Variants in ADM2 observed in about 807,000 individuals in gnomAD.
ADM2 encodes the protein adrenomedullin 2, also known as protein ADM2.
A neutral mutation model predicts 7.1 loss-of-function variants in ADM2; 5 were observed. The ratio of observed to expected loss-of-function variants is 0.71; its 90% CI spans 0.37 to 1.49. The LOEUF (loss-of-function observed/expected upper bound fraction) is 1.49. ADM2 is among the 40% of genes most tolerant of loss of function. The pLI is 0.03. For synonymous variants in ADM2, 123 were observed against 92.8 expected (o/e 1.33, Z -1.87); for missense variants, 236 against 211.2 (o/e 1.12, Z -0.73).
chr22:50,483,339 C>T lies in ADM2; in HGVS notation c.*436C>T, dbSNP rs1207697467. The T allele has an allele frequency of 2.2e-6, 1 of 448,800 alleles. No homozygotes were observed. Among genetic ancestry groups the T allele is most frequent in the Non-Finnish European group, 4.5e-6 (1 of 220,166 alleles). 27.8% of individuals were successfully genotyped at this position (448,800 alleles called of 1,614,324 possible). ...GCCTTGTGCCTGGGCTGTTCCTGCT[C>T]TCATGCACAACCAGCCCTTCCACGT... On this transcript the variant is annotated 3_prime_UTR_variant, in exon 3 of 3. Transcript: ENST00000395737.
Position 50,481,909 on chromosome 22 carries a change from G to C in ADM2, c.62G>C (p.Gly21Ala). 3.9e-6 allele frequency: 6 copies of C among 1,534,210 alleles called. No homozygotes were observed. The South Asian group carries it at 7.2e-5, about 18-fold the overall frequency. Residue 21 changes from glycine (G) to alanine (A), a missense_variant, in exon 2 of 3, where the codon GGC becomes GCC. Coordinates refer to ENST00000395737, the MANE Select transcript of ADM2 (RefSeq NM_001253845.2). ...CISLLCLQLP[G>A]SLSRSLGGDP... ...AGCCTCCTCTGCCTGCAGCTCCCTG[G>C]CTCGCTGTCCCGCAGCCTGGGCGGG...
Position 50,482,652 on chromosome 22 carries a change from C to T in ADM2, c.196C>T (p.Leu66Phe). Residue 66 changes from leucine to phenylalanine, a missense_variant, in exon 3 of 3, where the codon CTC becomes TTC. By Grantham distance (22) the Leu-to-Phe change is conservative (BLOSUM62 0). Coordinates refer to ENST00000395737, the MANE Select transcript of ADM2 (RefSeq NM_001253845.2). ...RPVVWKLHRA[L>F]QAQRGAGLAP... is the part of the protein sequence containing the mutation. ...TGTGGTCTGGAAGCTTCACCGGGCC[C>T]TCCAGGCACAGAGGGGTGCCGGCCT... 2 of 1,567,898 alleles carry T rather than the reference C, an allele frequency of 1.3e-6. No individual in the cohort carries two copies. Among genetic ancestry groups the T allele is most frequent in the Non-Finnish European group, 1.7e-6 (2 of 1,155,062 alleles).
rs2148632990 is a variant in ADM2, at chr22:50,485,765, T to C, written c.*2862T>C. 6.6e-6 allele frequency: 1 copy of C among 152,586 alleles called. No individual in the cohort carries two copies. The highest frequency in any genetic ancestry group is 3.4e-3 in the Middle Eastern group (1 of 296). The allele number at this position is 152,586 out of a possible 1,614,324, so 9.5% of individuals were successfully genotyped here. A position where few individuals can be genotyped will look rare whatever the true frequency, so the allele number is the denominator to read the frequency against. On this transcript the variant is annotated 3_prime_UTR_variant, in exon 3 of 3. Transcript: ENST00000395737. Reference sequence around the variant, plus strand: ...TCAGCTCAGCTGTGCCAGGATCTTGTTGAGTCAGGTCAGCTGCCCACAGCC... The same window carrying C: ...TCAGCTCAGCTGTGCCAGGATCTTGCTGAGTCAGGTCAGCTGCCCACAGCC...
rs996445947 is a variant in ADM2, at chr22:50,483,742, C to A, written c.*839C>A. The A allele has an allele frequency of 1.2e-5, 2 of 167,978 alleles. No homozygotes were observed. Among genetic ancestry groups the A allele is most frequent in the African/African-American group, 4.8e-5 (2 of 41,644 alleles). The allele number at this position is 167,978 out of a possible 1,614,324, so 10.4% of individuals were successfully genotyped here. On this transcript the variant is annotated 3_prime_UTR_variant, in exon 3 of 3. Coordinates refer to ENST00000395737, the MANE Select transcript of ADM2 (RefSeq NM_001253845.2). ...AGGCAGCACAGGCGCCCCACCACCA[C>A]CCAGTTTGGGGACCCAGTGGGACCA...
In ADM2 at chr22:50,481,664, C is replaced by T. The variant is rs2068196505; in HGVS notation, c.-111C>T. 2 of 319,796 alleles carry T rather than the reference C, an allele frequency of 6.3e-6. No homozygotes were observed. Among genetic ancestry groups the T allele is most frequent in the Admixed American group, 1.0e-4 (2 of 19,550 alleles). 19.8% of individuals were successfully genotyped at this position (319,796 alleles called of 1,614,324 possible). A position where few individuals can be genotyped will look rare whatever the true frequency, so the allele number is the denominator to read the frequency against. ...CCCGGACCCGCGGCCGACCCCAGAC[C>T]CGCTGCCCGCTTCGCGCCCGAGGCC... On this transcript the variant is annotated 5_prime_UTR_variant, in exon 1 of 3. Transcript: ENST00000395737.
chr22:50,482,628 G>A lies in ADM2; in HGVS notation c.172G>A (p.Val58Met). The A allele has an allele frequency of 7.9e-6, 12 of 1,527,084 alleles. No individual in the cohort carries two copies. The highest frequency in any genetic ancestry group is 1.1e-5 in the Non-Finnish European group (12 of 1,135,752). 94.6% of individuals were successfully genotyped at this position (1,527,084 alleles called of 1,614,324 possible). A position where few individuals can be genotyped will look rare whatever the true frequency, so the allele number is the denominator to read the frequency against. The change falls in exon 3 of 3, where the codon GTG (valine) becomes ATG (methionine). Residue 58 changes from valine to methionine, a missense_variant. By Grantham distance (21) the Val-to-Met change is conservative. Coordinates refer to ENST00000395737, the MANE Select transcript of ADM2 (RefSeq NM_001253845.2). ...LQPRHPAPRP[V>M]VWKLHRALQA... Reference sequence around the variant, plus strand: ...GCCCAGGCACCCCGCACCCCGACCTGTGGTCTGGAAGCTTCACCGGGCCCT... The same window carrying A: ...GCCCAGGCACCCCGCACCCCGACCTATGGTCTGGAAGCTTCACCGGGCCCT...
At chr22:50,482,061 G>A in intron 2 of ADM2, 104 bp downstream of exon 2, 1 of 1,081,106 alleles carries the variant, frequency 9.2e-7, no homozygotes, top group Non-Finnish European at 1.3e-6. Flanking sequence ...CCTGCTGCTA[G>A]GACTCCCCTC....
At position 50,482,785 on chromosome 22, in the gene ADM2, G is replaced by A; in HGVS notation, c.329G>A (p.Cys110Tyr). The change falls in exon 3 of 3, where the codon TGT (cysteine) becomes TAT (tyrosine). Residue 110 changes from cysteine (C) to tyrosine (Y), a missense_variant. Transcript: ENST00000395737. ...RTQAQLLRVG[C>Y]VLGTCQVQNL... The stretch of plus-strand genomic sequence containing the variant: ...CAAGCCCAGCTCCTGCGAGTGGGCT[G>A]TGTGCTGGGCACCTGCCAGGTGCAG... 1 of 1,608,176 alleles carries A rather than the reference G, an allele frequency of 6.2e-7. No individual in the cohort carries two copies. Among genetic ancestry groups the A allele is most frequent in the South Asian group, 1.1e-5 (1 of 90,758 alleles).
Position 50,482,603 on chromosome 22 carries a change from GCCCAGGCAC to G in ADM2, c.151_159del (p.Arg51_Pro53del). ...CCCGGAGCCCTTCCAGCAGCCTGCA[GCCCAGGCAC>G]CCCGCACCCCGACCTGTGGTCTGGA... On this transcript the variant is annotated inframe_deletion, in exon 3 of 3. Transcript: ENST00000395737. The G allele has an allele frequency of 6.7e-7, 1 of 1,485,974 alleles. No individual in the cohort carries two copies. Among genetic ancestry groups the G allele is most frequent in the South Asian group, 1.4e-5 (1 of 72,626 alleles). 92.0% of individuals were successfully genotyped at this position (1,485,974 alleles called of 1,614,324 possible). A position where few individuals can be genotyped will look rare whatever the true frequency, so the allele number is the denominator to read the frequency against.
intron 2 of ADM2, 98 bp downstream of exon 2, chr22:50,482,055 C>A: frequency 9.0e-7 from 1 of 1,108,742 alleles, no homozygotes; most frequent in Non-Finnish European, 1.3e-6. Context: ...CCTCCACCTG[C>A]TGCTAGGACT....
In ADM2 at chr22:50,485,844, G is replaced by GT. The variant is rs977412932; in HGVS notation, c.*2941_*2942insT. ...TCTGATCTTCACAGCCCTAGGTATG[G>GT]CCCCAGCACCCCACTGCCCTCTCTC... On this transcript the variant is annotated 3_prime_UTR_variant, in exon 3 of 3. Coordinates refer to ENST00000395737, the MANE Select transcript of ADM2 (RefSeq NM_001253845.2). 3 of 152,314 alleles carry GT rather than the reference G, an allele frequency of 2.0e-5. No homozygotes were observed. The highest frequency in any genetic ancestry group is 7.2e-5 in the African/African-American group (3 of 41,398). The allele number at this position is 152,314 out of a possible 1,614,324, so 9.4% of individuals were successfully genotyped here.
Position 50,484,607 on chromosome 22 carries a change from A to T in ADM2, c.*1704A>T, listed in dbSNP as rs2068241152. ...GGCAAGGCTCGGGGGTCAGGAGCTCAGCGTCCGCTACTCAGCCCAGCCAAA... is the reference window on the plus strand; with the variant it reads ...GGCAAGGCTCGGGGGTCAGGAGCTCTGCGTCCGCTACTCAGCCCAGCCAAA... On this transcript the variant is annotated 3_prime_UTR_variant, in exon 3 of 3. Transcript: ENST00000395737. 1 of 152,510 alleles carries T rather than the reference A, an allele frequency of 6.6e-6. No homozygotes were observed. Among genetic ancestry groups the T allele is most frequent in the African/African-American group, 2.4e-5 (1 of 41,440 alleles). The allele number at this position is 152,510 out of a possible 1,614,324, so 9.4% of individuals were successfully genotyped here. A position where few individuals can be genotyped will look rare whatever the true frequency, so the allele number is the denominator to read the frequency against.
intron 1 of ADM2, 27 bp from the exon 2 acceptor site, chr22:50,481,810 C>A: frequency 7.1e-7 from 1 of 1,415,900 alleles, no homozygotes; most frequent in East Asian, 3.0e-5. Flanking sequence ...CCCCGACGTG[C>A]CCGGCTCACC....
rs537563231 is a variant in ADM2 at position 50,486,350 on chromosome 22, A to G, written c.*3447A>G. 1.7e-4 allele frequency: 27 copies of G among 158,038 alleles called. No individual in the cohort carries two copies. The South Asian group carries it at 4.9e-3, about 29-fold the overall frequency. The allele number at this position is 158,038 out of a possible 1,614,324, so 9.8% of individuals were successfully genotyped here. A position where few individuals can be genotyped will look rare whatever the true frequency, so the allele number is the denominator to read the frequency against. The stretch of plus-strand genomic sequence containing the variant: ...AACTTCCCATCCGCTGACCCCTCCA[A>G]CGCCATCAATCTCCAGCTGTGGTTG... On this transcript the variant is annotated 3_prime_UTR_variant, in exon 3 of 3. Transcript: ENST00000395737.
At position 50,483,170 on chromosome 22, in the gene ADM2, C is replaced by T; in HGVS notation, c.*267C>T. On this transcript the variant is annotated 3_prime_UTR_variant, in exon 3 of 3. Coordinates refer to ENST00000395737, the MANE Select transcript of ADM2 (RefSeq NM_001253845.2). ...TGGCGGCAGCACCAGATGCTAAGCG[C>T]TTCAGAGAGGAGGTGTCTGCCCAGA... 1 of 670,854 alleles carries T rather than the reference C, an allele frequency of 1.5e-6. No individual in the cohort carries two copies. 41.6% of individuals were successfully genotyped at this position (670,854 alleles called of 1,614,324 possible).
chr22:50,482,078 A>C, intron 2 of ADM2, 121 bp downstream of exon 2: 4 of 906,184 alleles, frequency 4.4e-6, no homozygotes, highest in Non-Finnish European at 6.5e-6. Flanking sequence ...CCTCCCAAAC[A>C]AAGGCCCCTA....
rs574216668 is a variant in ADM2, at chr22:50,485,223, A to G, written c.*2320A>G. 6.6e-6 allele frequency: 1 copy of G among 151,994 alleles called. No homozygotes were observed. The allele number at this position is 151,994 out of a possible 1,614,324, so 9.4% of individuals were successfully genotyped here. On this transcript the variant is annotated 3_prime_UTR_variant, in exon 3 of 3. Transcript: ENST00000395737. Reference sequence around the variant, plus strand: ...TTAGCTGGGCGTGGTGGCACATGCCAGTAATTCCATCTACTCGGGAGGCTG... The same window carrying G: ...TTAGCTGGGCGTGGTGGCACATGCCGGTAATTCCATCTACTCGGGAGGCTG...
Position 50,482,630 on chromosome 22 carries a change from G to A in ADM2, c.174G>A (p.Val58=). Residue 58 remains valine, a synonymous_variant, in exon 3 of 3, where the codon GTG becomes GTA. Transcript: ENST00000395737. The part of the protein sequence containing the change: ...LQPRHPAPRP[V]VWKLHRALQA... ...CCAGGCACCCCGCACCCCGACCTGT[G>A]GTCTGGAAGCTTCACCGGGCCCTCC... 6.5e-7 allele frequency: 1 copy of A among 1,532,886 alleles called. No individual in the cohort carries two copies. Among genetic ancestry groups the A allele is most frequent in the Non-Finnish European group, 8.8e-7 (1 of 1,138,110 alleles). The allele number at this position is 1,532,886 out of a possible 1,614,324, so 95.0% of individuals were successfully genotyped here.
In ADM2 at chr22:50,482,613, C is replaced by A; in HGVS notation, c.157C>A (p.Pro53Thr). ...TTCCAGCAGCCTGCAGCCCAGGCACCCCGCACCCCGACCTGTGGTCTGGAA... is the reference window on the plus strand; with the variant it reads ...TTCCAGCAGCCTGCAGCCCAGGCACACCGCACCCCGACCTGTGGTCTGGAA... ...SPSSSLQPRH[P>T]APRPVVWKLH... Residue 53 changes from proline to threonine, a missense_variant, in exon 3 of 3, where the codon CCC becomes ACC. By Grantham distance (38) the Pro-to-Thr change is conservative. Coordinates refer to ENST00000395737, the MANE Select transcript of ADM2 (RefSeq NM_001253845.2). 6.7e-7 allele frequency: 1 copy of A among 1,497,502 alleles called. No individual in the cohort carries two copies. Among genetic ancestry groups the A allele is most frequent in the East Asian group, 2.4e-5 (1 of 41,700 alleles). 92.8% of individuals were successfully genotyped at this position (1,497,502 alleles called of 1,614,324 possible).
Sources: allele counts gnomAD v4.1 joint callset, GRCh38; gene constraint gnomAD v4.1.1; transcripts MANE v1.5; gene names NCBI Gene and HGNC (gene_info 2026-07-23, HGNC 2026-07-21).